The following NAA15 variants were observed in gnomAD, a reference collection of about 807,000 sequenced individuals.
NAA15 encodes the protein N-alpha-acetyltransferase 15, NatA auxiliary subunit.
A neutral mutation model predicts 114.0 loss-of-function variants in NAA15; 34 were observed. The ratio of observed to expected loss-of-function variants is 0.30; its 90% confidence interval spans 0.23 to 0.40. The LOEUF is 0.40. Ranked by LOEUF, NAA15 falls within the 10% of genes least tolerant of loss-of-function variation. NAA15 has a pLI of 1.00. For missense variants in NAA15, 658 were observed against 1,004.5 expected, an observed-to-expected ratio of 0.66 and a Z score of 4.66; for synonymous variants, 340 against 338.0, an observed-to-expected ratio of 1.01 and a Z score of -0.06.
Position 139,390,713 on chromosome 4 carries a change from G to A in NAA15, c.*2629G>A, listed in dbSNP as rs1749038267. The A allele has an allele frequency of 6.6e-6, 1 of 152,224 alleles. No homozygotes were observed. Among genetic ancestry groups the A allele is most frequent in the Non-Finnish European group, 1.5e-5 (1 of 68,034 alleles). The allele number at this position is 152,224 out of a possible 1,614,324, so 9.4% of individuals were successfully genotyped here. On this transcript the variant is annotated 3_prime_UTR_variant, in exon 20 of 20. Coordinates refer to ENST00000296543, the MANE Select transcript of NAA15 (RefSeq NM_057175.5). ...TAGTTTACTCAGCTTTAATTAGATA[G>A]TTGAGTCATATATTTTCAACATTTT... is the stretch of plus-strand genomic sequence containing the variant.
chr4:139,338,003 TGTATAG>T (rs1447540420), intron 3 of NAA15, among the ~76,000 whole-genome samples: 3 of 152,232 alleles, frequency 2.0e-5, no homozygotes, highest in South Asian at 2.1e-4. Context: ...TTTTAATGAT[TGTATAG>T]TGTTCTGCCA....
At chr4:139,344,997 A>G (rs774827806) in intron 6 of NAA15, among the ~76,000 whole-genome samples, 8 of 152,234 alleles carry the variant, frequency 5.3e-5, no homozygotes, top group Non-Finnish European at 1.0e-4. Flanking sequence ...ACAAGTAATG[A>G]AAGGACAAGT....
rs1282116932 is a variant in NAA15, at chr4:139,357,544, A to C, written c.1246A>C (p.Lys416Gln). ...TLIELFLVKAKIYKHAGNIKE... is the reference protein window; with the variant it reads ...TLIELFLVKAQIYKHAGNIKE... ...AATAGAACTCTTTCTCGTGAAAGCT[A>C]AAATCTATAAGGTAAAAATCTTTTT... Residue 416 changes from lysine to glutamine, a missense_variant, in exon 11 of 20, where the codon AAA becomes CAA. Lys to Gln is a moderately conservative substitution (Grantham distance 53). This residue lies in a region of NAA15 where 281 missense variants were observed against 389.1 expected (regional missense o/e 0.72). Transcript: ENST00000296543. 6.3e-7 allele frequency: 1 copy of C among 1,599,450 alleles called. No homozygotes were observed. The highest frequency in any genetic ancestry group is 8.6e-7 in the Non-Finnish European group (1 of 1,169,092).
chr4:139,313,294 T>C (rs1746278627), intron 1 of NAA15, among the ~76,000 whole-genome samples: 1 of 151,958 alleles, frequency 6.6e-6, no homozygotes, highest in Non-Finnish European at 1.5e-5. Flanking sequence ...CTTAAAATGT[T>C]ACTCTATTTT....
chr4:139,371,226 C>T (rs1264412811), intron 15 of NAA15, among the ~76,000 whole-genome samples: 1 of 152,126 alleles, frequency 6.6e-6, no homozygotes, highest in East Asian at 1.9e-4. Context: ...TAATGCCAAA[C>T]AAATAGAGTT....
chr4:139,325,634 C>T (rs1746774660), intron 1 of NAA15, among the ~76,000 whole-genome samples: 1 of 152,116 alleles, frequency 6.6e-6, no homozygotes, highest in Admixed American at 6.5e-5. Context: ...TTGTGCATGT[C>T]AAGTAAGAAT....
intron 6 of NAA15, among the ~76,000 whole-genome samples, chr4:139,345,592 G>T (rs893869247): frequency 6.6e-6 from 1 of 152,184 alleles, no homozygotes; most frequent in Admixed American, 6.5e-5. Flanking sequence ...GCTTCTGGAA[G>T]AAGGATGGTA....
chr4:139,374,142 T>C (rs1323425363), intron 15 of NAA15, among the ~76,000 whole-genome samples: 1 of 152,214 alleles, frequency 6.6e-6, no homozygotes, highest in Non-Finnish European at 1.5e-5. Context: ...TAGAGACATA[T>C]ACTCCTTTAC....
intron 6 of NAA15, among the ~76,000 whole-genome samples, chr4:139,347,669 T>G (rs1408290781): frequency 6.6e-6 from 1 of 152,180 alleles, no homozygotes; most frequent in African/African-American, 2.4e-5. Flanking sequence ...TGAATGAATA[T>G]GTGCTCTTTC....
chr4:139,384,787 TATCA>T, intron 17 of NAA15, 41 bp from the exon 18 acceptor site: 1 of 1,253,958 alleles, frequency 8.0e-7, no homozygotes, highest in Middle Eastern at 2.6e-4. Context: ...TTGTAAACTT[TATCA>T]GAGTATTCAA....
intron 14 of NAA15, among the ~76,000 whole-genome samples, chr4:139,368,889 C>A (rs1250693085): frequency 6.6e-6 from 1 of 152,058 alleles, no homozygotes; most frequent in African/African-American, 2.4e-5. Context: ...TCCTTGAAAT[C>A]AAAACAATAT....
intron 1 of NAA15, among the ~76,000 whole-genome samples, chr4:139,305,376 A>T (rs1021968321): frequency 4.6e-5 from 7 of 152,106 alleles, no homozygotes; most frequent in African/African-American, 1.7e-4. Flanking sequence ...GACCAAAAGG[A>T]TAGTATTGAT....
chr4:139,322,191 G>A (rs1465168613), intron 1 of NAA15, among the ~76,000 whole-genome samples: 1 of 152,190 alleles, frequency 6.6e-6, no homozygotes. Flanking sequence ...GACCTGGTAG[G>A]AGGTAATTGA....
chr4:139,359,808 C>T lies in NAA15; in HGVS notation c.1323C>T (p.Asp441=). 3 of 1,608,032 alleles carry T rather than the reference C, an allele frequency of 1.9e-6. No homozygotes were observed. Among genetic ancestry groups the T allele is most frequent in the Non-Finnish European group, 1.7e-6 (2 of 1,178,872 alleles). Residue 441 remains aspartate (D), a synonymous_variant, in exon 12 of 20, where the codon GAC becomes GAT. Transcript: ENST00000296543. The stretch of plus-strand genomic sequence containing the variant: ...AGGCCCAGGCCTTGGACACAGCAGA[C>T]AGATTTATCAACTCCAAATGTGCAA... ...MDEAQALDTA[D]RFINSKCAKY...
At chr4:139,310,519 A>T (rs545867983) in intron 1 of NAA15, among the ~76,000 whole-genome samples, 2 of 151,100 alleles carry the variant, frequency 1.3e-5, no homozygotes, top group East Asian at 3.9e-4. Context: ...TATGCAAAGG[A>T]CTGTTCAGAA....
chr4:139,332,592 T>A (rs1221126422), intron 1 of NAA15, among the ~76,000 whole-genome samples: 1 of 132,622 alleles, frequency 7.5e-6, no homozygotes, highest in Non-Finnish European at 1.6e-5. Flanking sequence ...TTTTTTTTTT[T>A]TTTTTTTTGA....
intron 1 of NAA15, among the ~76,000 whole-genome samples, chr4:139,305,615 G>A (rs960964960): frequency 3.4e-5 from 5 of 148,268 alleles, no homozygotes; most frequent in African/African-American, 1.0e-4. Flanking sequence ...TCGGCTCACC[G>A]AAACCTCTGT....
chr4:139,372,065 G>A (rs901941704), intron 15 of NAA15, among the ~76,000 whole-genome samples: 8 of 152,000 alleles, frequency 5.3e-5, no homozygotes, highest in African/African-American at 9.7e-5. Context: ...ACAGGCGCCC[G>A]CCACCATGCC....
intron 11 of NAA15, among the ~76,000 whole-genome samples, chr4:139,359,324 C>A (rs907668658): frequency 6.6e-6 from 1 of 151,820 alleles, no homozygotes. Context: ...GATGGGGTTT[C>A]ACCATGTTGG....
Sources: allele counts gnomAD v4.1 joint callset (sites outside exome capture counted in the v4.1 genomes callset), GRCh38; gene constraint gnomAD v4.1.1; regional missense constraint gnomAD v4.1.1; transcripts MANE v1.5; gene names NCBI Gene and HGNC (gene_info 2026-07-23, HGNC 2026-07-21).